PLA2G15: variants seen among roughly 807,000 people sequenced by gnomAD.
PLA2G15 encodes phospholipase A2 group XV.
Under a neutral mutation model 40.9 loss-of-function variants are expected in PLA2G15, and 20 were observed. The ratio of observed to expected loss-of-function variants is 0.49; its 90% CI spans 0.34 to 0.71. The LOEUF is 0.71. Ranked by LOEUF, PLA2G15 falls within the 30% of genes least tolerant of loss-of-function variation. The probability of loss-of-function intolerance (pLI) is 0.01; values close to 1 mark genes in which losing one functional copy is unlikely to be tolerated. For synonymous variants in PLA2G15, 223 were observed against 228.2 expected (o/e 0.98, Z 0.21); for missense variants, 471 against 541.9 (o/e 0.87, Z 1.30).
In PLA2G15 at chr16:68,245,376, A is replaced by T. The variant is rs9935022; in HGVS notation, c.-51A>T. ...TCGCCACCGCCCCCGCCTAGGCGAG[A>T]GCCCAGAGAGCTGAACCTGCATCCC... On this transcript the variant is annotated 5_prime_UTR_variant, in exon 1 of 6. Coordinates refer to ENST00000219345, the MANE Select transcript of PLA2G15 (RefSeq NM_012320.4). 14,783 of 1,582,552 alleles carry T rather than the reference A, an allele frequency of 9.3e-3. 753 individuals are homozygous for T. The African/African-American group carries it at 0.14, about 15-fold the overall frequency.
intron 2 of PLA2G15, among the ~76,000 whole-genome samples, chr16:68,251,074 C>T (rs138635973): frequency 7.0e-4 from 106 of 152,040 alleles, no homozygotes; most frequent in African/African-American, 2.3e-3. Context: ...ACAGCAACCC[C>T]GTTTTGAAAT....
rs377600963 is a variant in PLA2G15, at chr16:68,255,888, C to A, written c.625C>A (p.Gln209Lys). Residue 209 changes from glutamine (Q) to lysine (K), a missense_variant, in exon 5 of 6, where the codon CAG (glutamine) becomes AAG (lysine). Transcript: ENST00000219345. This position sits in a 1 kb window ranked among gnomAD's most constrained non-coding sequence, Gnocchi z 5.9. The stretch of plus-strand genomic sequence containing the variant: ...CAACATGTACACGCTCTACTTTCTG[C>A]AGCGGCAGCCGCAGGCCTGGAAGGA... ...MGNMYTLYFL[Q>K]RQPQAWKDKY... is the part of the protein sequence containing the mutation. 1.1e-4 allele frequency: 170 copies of A among 1,613,540 alleles called. No individual in the cohort carries two copies. The highest frequency in any genetic ancestry group is 1.4e-4 in the Non-Finnish European group (163 of 1,179,904).
intron 2 of PLA2G15, chr16:68,252,676 A>G (rs1596946180): frequency 3.4e-6 from 1 of 296,146 alleles, no homozygotes; most frequent in African/African-American, 4.0e-5. Flanking sequence ...ACAGTTCTAG[A>G]AAACTAATAG....
chr16:68,259,304 C>A lies in PLA2G15; in HGVS notation c.886C>A (p.Arg296Ser). 1 of 1,614,066 alleles carries A rather than the reference C, an allele frequency of 6.2e-7. No individual in the cohort carries two copies. The highest frequency in any genetic ancestry group is 8.5e-7 in the Non-Finnish European group (1 of 1,180,048). Residue 296 changes from arginine (R) to serine (S), a missense_variant, in exon 6 of 6, where the codon CGC (arginine) becomes AGC (serine). Arg to Ser is a moderately radical substitution (Grantham distance 110). Transcript: ENST00000219345. The surrounding 1 kb of genome is among the most constrained non-coding windows in gnomAD (Gnocchi z 6.5). Reference protein sequence around the residue: ...PTINYTLRDYRKFFQDIGFED... With the variant: ...PTINYTLRDYSKFFQDIGFED... ...AATCAACTACACACTGCGGGACTAC[C>A]GCAAGTTCTTCCAGGACATCGGCTT...
At chr16:68,249,540 C>G in intron 2 of PLA2G15, 94 bp downstream of exon 2, 3 of 1,178,912 alleles carry the variant, frequency 2.5e-6, no homozygotes, top group Non-Finnish European at 3.7e-6. Context: ...CTCGAGGTCA[C>G]TGACCTCTCT....
Position 68,255,544 on chromosome 16 carries a change from A to G in PLA2G15, c.502+164A>G. The G allele has an allele frequency of 3.1e-6, 2 of 644,252 alleles. No homozygotes were observed. Among genetic ancestry groups the G allele is most frequent in the Non-Finnish European group, 5.4e-6 (2 of 368,136 alleles). The allele number at this position is 644,252 out of a possible 1,614,324, so 39.9% of individuals were successfully genotyped here. On this transcript the variant is annotated intron_variant, in intron 4 of 5. Coordinates refer to ENST00000219345, the MANE Select transcript of PLA2G15 (RefSeq NM_012320.4). This position sits in a 1 kb window ranked among gnomAD's most constrained non-coding sequence, Gnocchi z 5.9. ...ACAGCCACCACCTTTGGTCAGTCTT[A>G]TCCTGTCCTCCATTTCCCACCCTGG...
chr16:68,254,755 G>C (rs1367980542), intron 2 of PLA2G15, 164 bp from the exon 3 acceptor site: 1 of 637,206 alleles, frequency 1.6e-6, no homozygotes, highest in Non-Finnish European at 2.8e-6. Context: ...GATTACAGGT[G>C]ATCTGTGCTT....
At chr16:68,250,174 CT>C (rs1175749953) in intron 2 of PLA2G15, 366 of 134,228 alleles carry the variant, frequency 2.7e-3, no homozygotes, top group South Asian at 6.9e-3. Context: ...CTTCCATTCA[CT>C]TTTTTTTTTT....
intron 5 of PLA2G15, chr16:68,256,244 T>TC: frequency 4.5e-6 from 2 of 448,586 alleles, no homozygotes; most frequent in South Asian, 6.8e-5. Flanking sequence ...AGATGGTGGA[T>TC]CCCCACACTA....
chr16:68,249,793 C>T lies in PLA2G15; in HGVS notation c.284+347C>T, dbSNP rs189770453. ...TCCCAGGTTCAAGCGATTCTTGTGC[C>T]TCAGCCTCCCAAGTAGCTGGGATTA... On this transcript the variant is annotated intron_variant, in intron 2 of 5. Transcript: ENST00000219345. Among the ~76,000 whole-genome samples the T allele has an allele frequency of 8.8e-4, 134 of 152,328 alleles. 1 individual carries two copies. Among genetic ancestry groups the T allele is most frequent in the African/African-American group, 3.1e-3 (128 of 41,568 alleles).
rs745836852 is a variant in PLA2G15, at chr16:68,255,209, C to T, written c.404-73C>T. ...CCAAGGACCTGCTAGCTGTCACAGT[C>T]TCCATGCTGGGCATAGTGTAGGTGG... is the stretch of plus-strand genomic sequence containing the variant. On this transcript the variant is annotated intron_variant, in intron 3 of 5. Transcript: ENST00000219345. The surrounding 1 kb of genome is among the most constrained non-coding windows in gnomAD (Gnocchi z 5.9). The T allele has an allele frequency of 2.1e-5, 25 of 1,163,614 alleles. No individual in the cohort carries two copies. Among genetic ancestry groups the T allele is most frequent in the Non-Finnish European group, 3.2e-5 (25 of 775,980 alleles). The allele number at this position is 1,163,614 out of a possible 1,614,324, so 72.1% of individuals were successfully genotyped here.
chr16:68,254,309 A>ATTTTT (rs879549920), intron 2 of PLA2G15: 1 of 123,538 alleles, frequency 8.1e-6, no homozygotes, highest in Non-Finnish European at 1.7e-5. Flanking sequence ...TGTGCTTTTT[A>ATTTTT]TTTTTATTTA....
At chr16:68,249,105 T>C (rs2042333286) in intron 1 of PLA2G15, among the ~76,000 whole-genome samples, 185 bp from the exon 2 acceptor site, 1 of 152,238 alleles carries the variant, frequency 6.6e-6, no homozygotes, top group Non-Finnish European at 1.5e-5. Context: ...CCCTGGCCTT[T>C]GGGTCAAGGT....
chr16:68,257,509 C>T (rs2042411916), intron 5 of PLA2G15, among the ~76,000 whole-genome samples: 2 of 152,208 alleles, frequency 1.3e-5, no homozygotes, highest in African/African-American at 4.8e-5. Flanking sequence ...TCACCAGCTG[C>T]AGCTGTAGAG....
chr16:68,258,074 G>C (rs2151206405), intron 5 of PLA2G15, among the ~76,000 whole-genome samples: 1 of 152,290 alleles, frequency 6.6e-6, no homozygotes. Flanking sequence ...CATGGATCCT[G>C]AACAGGCCAG....
At chr16:68,251,926 C>T (rs1250257593) in intron 2 of PLA2G15, among the ~76,000 whole-genome samples, 1 of 151,856 alleles carries the variant, frequency 6.6e-6, no homozygotes, top group African/African-American at 2.4e-5. Flanking sequence ...CCTGGCCTGC[C>T]GGCTGTTTGT....
chr16:68,249,449 G>T lies in PLA2G15; in HGVS notation c.284+3G>T. 6.2e-7 allele frequency: 1 copy of T among 1,613,876 alleles called. No individual in the cohort carries two copies. Among genetic ancestry groups the T allele is most frequent in the South Asian group, 1.1e-5 (1 of 91,064 alleles). Reference sequence around the variant, plus strand: ...GACTGCTGGATTGACAATATCAGGTGGGGGCTGGGGCACACAGAGGGGGGT... The same window carrying T: ...GACTGCTGGATTGACAATATCAGGTTGGGGCTGGGGCACACAGAGGGGGGT... On this transcript the variant is annotated splice_donor_region_variant and intron_variant, in intron 2 of 5. Coordinates refer to ENST00000219345, the MANE Select transcript of PLA2G15 (RefSeq NM_012320.4).
chr16:68,256,113 C>T (rs1296547550), intron 5 of PLA2G15, 123 bp downstream of exon 5: 4 of 618,692 alleles, frequency 6.5e-6, no homozygotes, highest in Non-Finnish European at 1.1e-5. Flanking sequence ...GGGGTCTATG[C>T]AAATCTACCC....
In PLA2G15 at chr16:68,255,818, C is replaced by A; in HGVS notation, c.555C>A (p.Tyr185Ter). ...LALREMIEEMYQLYGGPVVLV... is the reference protein window; with the variant it reads ...LALREMIEEM ...TCCGCGAGATGATCGAGGAGATGTACCAGCTGTATGGGGGCCCCGTGGTGC... is the reference window on the plus strand; with the variant it reads ...TCCGCGAGATGATCGAGGAGATGTAACAGCTGTATGGGGGCCCCGTGGTGC... The change falls in exon 5 of 6, where the codon TAC becomes TAA. Residue 185 changes from tyrosine (Y) to a stop codon, truncating the protein, a stop_gained. Coordinates refer to ENST00000219345, the MANE Select transcript of PLA2G15 (RefSeq NM_012320.4). LOFTEE classifies it high-confidence loss of function. The surrounding 1 kb of genome is among the most constrained non-coding windows in gnomAD (Gnocchi z 5.9). 1 of 1,614,182 alleles carries A rather than the reference C, an allele frequency of 6.2e-7. No homozygotes were observed. The highest frequency in any genetic ancestry group is 8.5e-7 in the Non-Finnish European group (1 of 1,180,012).
Sources: allele counts gnomAD v4.1 joint callset (sites outside exome capture counted in the v4.1 genomes callset), GRCh38; gene constraint gnomAD v4.1.1; non-coding constraint Gnocchi (gnomAD v3.1); transcripts MANE v1.5; gene names NCBI Gene and HGNC (gene_info 2026-07-23, HGNC 2026-07-21).